The following CENPP variants were observed in gnomAD, a reference collection of about 807,000 sequenced individuals.
CENPP encodes centromere protein P.
In CENPP, 24 loss-of-function variants were observed where a neutral mutation model predicts 35.6. That is an observed-to-expected ratio of 0.67 (90% confidence interval 0.49 to 0.95). The LOEUF (loss-of-function observed/expected upper bound fraction) is 0.95. Among genes scored for constraint, CENPP ranks in the 40% least tolerant of loss-of-function variants. CENPP has a pLI of 0.00. For missense variants in CENPP, 332 were observed against 345.3 expected (o/e 0.96, Z 0.31); for synonymous variants, 120 against 125.5 (o/e 0.96, Z 0.29).
intron 5 of CENPP, among the ~76,000 whole-genome samples, chr9:92,607,011 A>G (rs1461146517): frequency 6.6e-6 from 1 of 152,206 alleles, no homozygotes; most frequent in Non-Finnish European, 1.5e-5. Context: ...CAAATAGCCA[A>G]AAAGTAAAAA....
intron 4 of CENPP, among the ~76,000 whole-genome samples, chr9:92,373,438 A>G (rs1842054369): frequency 6.6e-6 from 1 of 152,014 alleles, no homozygotes; most frequent in Non-Finnish European, 1.5e-5. Context: ...AAAAATACCA[A>G]TCTCTTTGAT....
At chr9:92,590,318 C>A (rs1198933596) in intron 5 of CENPP, among the ~76,000 whole-genome samples, 1 of 152,190 alleles carries the variant, frequency 6.6e-6, no homozygotes, top group Non-Finnish European at 1.5e-5. Context: ...ATCTGGTTAG[C>A]ATTCAGCACT....
At chr9:92,459,296 G>A (rs1490827540) in intron 5 of CENPP, among the ~76,000 whole-genome samples, 1 of 152,226 alleles carries the variant, frequency 6.6e-6, no homozygotes, top group Non-Finnish European at 1.5e-5. Context: ...ACGTGACACT[G>A]CTCCATGTCC....
rs565748478 is a variant in CENPP at position 92,406,467 on chromosome 9, A to G, written c.564+26608A>G. ...CTCTAATGTTGCATTGCTGAAGAAT[A>G]CCACTGTTCATCTATTGTAGTGGTT... On this transcript the variant is annotated intron_variant, in intron 5 of 7. Coordinates refer to ENST00000375587, the MANE Select transcript of CENPP (RefSeq NM_001012267.3). Among the ~76,000 whole-genome samples, 9 of 152,304 alleles carry G rather than the reference A, an allele frequency of 5.9e-5. No individual in the cohort carries two copies. The South Asian group carries it at 1.9e-3, about 32-fold the overall frequency.
chr9:92,611,502 A>G, intron 6 of CENPP, 109 bp downstream of exon 6: 1 of 831,052 alleles, frequency 1.2e-6, no homozygotes, highest in Non-Finnish European at 1.9e-6. Context: ...ACCAAGAACT[A>G]AAGGTCGTCG....
intron 5 of CENPP, among the ~76,000 whole-genome samples, chr9:92,406,191 T>G (rs1247360950): frequency 1.3e-5 from 2 of 151,910 alleles, no homozygotes; most frequent in Non-Finnish European, 2.9e-5. Flanking sequence ...GGGATGGGGG[T>G]AGATCATTCA....
chr9:92,585,411 T>C (rs1850516646), intron 5 of CENPP, among the ~76,000 whole-genome samples: 1 of 152,228 alleles, frequency 6.6e-6, no homozygotes. Context: ...CATTCACCAG[T>C]TGATGAGAAT....
At position 92,496,457 on chromosome 9, in the gene CENPP, T is replaced by C. The variant is rs188295382; in HGVS notation, c.565-114857T>C. The C allele has an allele frequency of 1.0e-4, 164 of 1,608,986 alleles. 1 individual carries two copies. The Admixed American group carries it at 1.8e-3, about 17-fold the overall frequency. On this transcript the variant is annotated intron_variant, in intron 5 of 7. Transcript: ENST00000375587. ...ATTTGAGTCATCATCCTCTTCAGCATTGCAAATTTCTTCTGGAAGAATGTT... is the reference window on the plus strand; with the variant it reads ...ATTTGAGTCATCATCCTCTTCAGCACTGCAAATTTCTTCTGGAAGAATGTT...
chr9:92,444,727 C>T (rs534443011), intron 5 of CENPP, among the ~76,000 whole-genome samples: 15 of 152,160 alleles, frequency 9.9e-5, no homozygotes, highest in Admixed American at 5.9e-4. Context: ...TGCCTGTGGG[C>T]GAGTACCTGC....
intron 5 of CENPP, among the ~76,000 whole-genome samples, chr9:92,548,497 T>C (rs1849520665): frequency 6.6e-6 from 1 of 152,202 alleles, no homozygotes; most frequent in Non-Finnish European, 1.5e-5. Flanking sequence ...GCAAAACTTT[T>C]CTACAACACA....
chr9:92,365,380 A>C (rs1841860965), intron 4 of CENPP, among the ~76,000 whole-genome samples: 1 of 150,852 alleles, frequency 6.6e-6, no homozygotes, highest in Admixed American at 6.6e-5. Context: ...TCAATGTATC[A>C]AATTATGCCT....
chr9:92,412,178 C>T (rs1157054201), intron 5 of CENPP, among the ~76,000 whole-genome samples: 6 of 151,934 alleles, frequency 3.9e-5, no homozygotes, highest in African/African-American at 7.3e-5. Context: ...CCTTGGTCTC[C>T]GGGGCTCAAG....
At chr9:92,483,180 A>C (rs1845966221) in intron 5 of CENPP, among the ~76,000 whole-genome samples, 1 of 152,090 alleles carries the variant, frequency 6.6e-6, no homozygotes, top group Non-Finnish European at 1.5e-5. Context: ...ACTCATCCCC[A>C]AGAGACTGCC....
intron 5 of CENPP, among the ~76,000 whole-genome samples, chr9:92,446,044 A>G (rs184949811): frequency 2.0e-5 from 3 of 152,270 alleles, no homozygotes; most frequent in Admixed American, 1.3e-4. Context: ...CTTGGTAAAA[A>G]GGTAAAGAAT....
intron 5 of CENPP, among the ~76,000 whole-genome samples, chr9:92,441,231 T>C (rs141553857): frequency 6.6e-6 from 1 of 152,326 alleles, no homozygotes; most frequent in East Asian, 1.9e-4. Context: ...TACTTTTCTA[T>C]ACATATATCA....
chr9:92,611,510 T>G, intron 6 of CENPP, 117 bp downstream of exon 6: 3 of 746,702 alleles, frequency 4.0e-6, no homozygotes, highest in Non-Finnish European at 4.3e-6. Flanking sequence ...CTAAAGGTCG[T>G]CGGTTGGAGG....
intron 5 of CENPP, among the ~76,000 whole-genome samples, chr9:92,568,480 T>C (rs1850053167): frequency 6.6e-6 from 1 of 152,236 alleles, no homozygotes; most frequent in Admixed American, 6.5e-5. Context: ...TAATCCAGTC[T>C]ATCATTGATG....
chr9:92,539,115 T>C (rs4744139), intron 5 of CENPP: 64,517 of 152,118 alleles, frequency 0.42, 16,089 homozygotes, highest in African/African-American at 0.69. Context: ...GCCCACGCAC[T>C]GAATATTAGG....
At chr9:92,548,269 C>A (rs1849515532) in intron 5 of CENPP, among the ~76,000 whole-genome samples, 1 of 152,160 alleles carries the variant, frequency 6.6e-6, no homozygotes, top group East Asian at 1.9e-4. Context: ...GGTACTTTCT[C>A]TGCTCAATGG....
Sources: gnomAD v4.1 joint callset for allele counts (sites outside exome capture counted in the v4.1 genomes callset) on GRCh38, gnomAD v4.1.1 for gene constraint, MANE v1.5 for transcripts, NCBI Gene and HGNC (gene_info 2026-07-23, HGNC 2026-07-21) for gene names.